OTULIN: variants seen among roughly 807,000 people sequenced by gnomAD.
OTULIN encodes the protein ubiquitin thioesterase otulin.
A neutral mutation model predicts 39.6 loss-of-function variants in OTULIN; 15 were observed. The observed-to-expected ratio is 0.38, with a 90% CI of 0.25 to 0.58. The LOEUF is 0.58. OTULIN is among the 20% of genes least tolerant of loss of function. The pLI, the probability that OTULIN is intolerant of heterozygous loss-of-function variation, is 0.66. For missense variants in OTULIN, 319 were observed against 445.9 expected, an observed-to-expected ratio of 0.72 and a Z score of 2.56; for synonymous variants, 156 against 170.3, an observed-to-expected ratio of 0.92 and a Z score of 0.65.
downstream of OTULIN, among the ~76,000 whole-genome samples, chr5:14,700,340 A>T (rs573660519): frequency 5.3e-5 from 8 of 152,322 alleles, no homozygotes; most frequent in African/African-American, 1.2e-4. Flanking sequence ...AGGGACAAGA[A>T]GAGAGCATTG....
chr5:14,684,425 A>T (rs764889095), intron 4 of OTULIN, among the ~76,000 whole-genome samples: 5 of 152,182 alleles, frequency 3.3e-5, no homozygotes, highest in African/African-American at 4.8e-5. Flanking sequence ...AATTCAGCAC[A>T]TGCTTTGTGT....
the OTULIN span, chr5:14,712,751 G>T: frequency 2.1e-6 from 2 of 961,422 alleles, no homozygotes; most frequent in Non-Finnish European, 1.6e-6. Context: ...CACGAGACTG[G>T]GCAGTGTCAC....
chr5:14,711,217 T>C, the OTULIN span: 1 of 1,614,036 alleles, frequency 6.2e-7, no homozygotes, highest in African/African-American at 1.3e-5. Flanking sequence ...TCCTCTCTCA[T>C]TTCCACGATG....
Position 14,695,387 on chromosome 5 carries a change from G to A in OTULIN, c.*2339G>A, listed in dbSNP as rs953195018. ...ATTAGAAGTTGAATGGAGATTAAGT[G>A]GATTCAGGAGGATGTTCCACTTAGA... On this transcript the variant is annotated 3_prime_UTR_variant, in exon 7 of 7. Transcript: ENST00000284274. 2 of 152,170 alleles carry A rather than the reference G, an allele frequency of 1.3e-5. No individual in the cohort carries two copies. Among genetic ancestry groups the A allele is most frequent in the Non-Finnish European group, 2.9e-5 (2 of 68,016 alleles). The allele number at this position is 152,170 out of a possible 1,614,324, so 9.4% of individuals were successfully genotyped here. A position where few individuals can be genotyped will look rare whatever the true frequency, so the allele number is the denominator to read the frequency against.
intron 3 of OTULIN, among the ~76,000 whole-genome samples, chr5:14,680,659 G>A (rs946056260): frequency 3.3e-5 from 5 of 152,228 alleles, no homozygotes. Context: ...TTCAGGGTAC[G>A]TTTCAGAATG....
downstream of OTULIN, among the ~76,000 whole-genome samples, chr5:14,702,453 T>C (rs569295690): frequency 3.9e-5 from 6 of 152,290 alleles, no homozygotes; most frequent in South Asian, 1.0e-3. Context: ...TTGTGAGGAC[T>C]GGATTCCCAG....
chr5:14,684,509 G>C (rs940828981), intron 4 of OTULIN, among the ~76,000 whole-genome samples: 3 of 152,218 alleles, frequency 2.0e-5, no homozygotes, highest in Non-Finnish European at 2.9e-5. Flanking sequence ...GTGGCCCGCA[G>C]ACCCTCCTGT....
rs893194502 is a variant in OTULIN at position 14,694,412 on chromosome 5, T to C, written c.*1364T>C. On this transcript the variant is annotated 3_prime_UTR_variant, in exon 7 of 7. Coordinates refer to ENST00000284274, the MANE Select transcript of OTULIN (RefSeq NM_138348.6). ...CACATGAACCGGAGACATCACTCTT[T>C]AGGATTCTACTGGCAGCCCCTGAAT... is the stretch of plus-strand genomic sequence containing the variant. The C allele has an allele frequency of 3.9e-5, 6 of 152,332 alleles. No individual in the cohort carries two copies. Among genetic ancestry groups the C allele is most frequent in the African/African-American group, 1.4e-4 (6 of 41,576 alleles). The allele number at this position is 152,332 out of a possible 1,614,324, so 9.4% of individuals were successfully genotyped here. A position where few individuals can be genotyped will look rare whatever the true frequency, so the allele number is the denominator to read the frequency against.
chr5:14,675,426 T>C (rs1217160464), intron 2 of OTULIN, among the ~76,000 whole-genome samples: 1 of 152,232 alleles, frequency 6.6e-6, no homozygotes, highest in Non-Finnish European at 1.5e-5. Context: ...ACAGGAGATA[T>C]TCTTTGTAGT....
intron 2 of OTULIN, 53 bp downstream of exon 2, chr5:14,673,771 T>C (rs1736033754): frequency 6.7e-7 from 1 of 1,483,392 alleles, no homozygotes; most frequent in East Asian, 2.3e-5. Context: ...TAGCAGAAAA[T>C]GCAGTTAAAT....
intron 2 of OTULIN, among the ~76,000 whole-genome samples, chr5:14,675,423 A>G (rs1736080716): frequency 6.6e-6 from 1 of 152,106 alleles, no homozygotes; most frequent in African/African-American, 2.4e-5. Context: ...GCCACAGGAG[A>G]TATTCTTTGT....
chr5:14,701,411 C>T (rs1389424416), downstream of OTULIN, among the ~76,000 whole-genome samples: 1 of 152,014 alleles, frequency 6.6e-6, no homozygotes, highest in Non-Finnish European at 1.5e-5. Flanking sequence ...ACTTTTGGAC[C>T]CCCTGCCCTG....
At chr5:14,675,770 C>T (rs1560994129) in intron 2 of OTULIN, among the ~76,000 whole-genome samples, 2 of 152,170 alleles carry the variant, frequency 1.3e-5, no homozygotes, top group African/African-American at 2.4e-5. Context: ...CATTGTCTTT[C>T]TTGAAATAAC....
Position 14,694,865 on chromosome 5 carries a change from C to T in OTULIN, c.*1817C>T, listed in dbSNP as rs1209471880. On this transcript the variant is annotated 3_prime_UTR_variant, in exon 7 of 7. Transcript: ENST00000284274. The stretch of plus-strand genomic sequence containing the variant: ...TCTTATTGGCTTTGATTTTTCATTG[C>T]AGTATATGGGATTGTACAGCAGGAA... The T allele has an allele frequency of 6.6e-6, 1 of 152,558 alleles. No homozygotes were observed. Among genetic ancestry groups the T allele is most frequent in the Non-Finnish European group, 1.5e-5 (1 of 68,030 alleles). 9.5% of individuals were successfully genotyped at this position (152,558 alleles called of 1,614,324 possible). A position where few individuals can be genotyped will look rare whatever the true frequency, so the allele number is the denominator to read the frequency against.
chr5:14,701,405 T>G (rs1736793779), downstream of OTULIN, among the ~76,000 whole-genome samples: 1 of 152,146 alleles, frequency 6.6e-6, no homozygotes, highest in Non-Finnish European at 1.5e-5. Context: ...GGAAAGACTT[T>G]TGGACCCCCT....
the OTULIN span, chr5:14,710,339 G>A: frequency 7.9e-5 from 12 of 152,246 alleles, no homozygotes; most frequent in African/African-American, 2.9e-4. Context: ...CTTCAGGAAA[G>A]GCGAGGGAAA....
chr5:14,687,618 A>G lies in OTULIN; in HGVS notation c.566A>G (p.Lys189Arg). Residue 189 changes from lysine (K) to arginine (R), a missense_variant, in exon 5 of 7, where the codon AAA becomes AGA. Transcript: ENST00000284274. ...GKNEDLVDKI[K>R]ESLTLLRKKW... ...AATGAGGACCTGGTTGATAAAATTA[A>G]AGAGTCCCTTACTCTGCTGAGGAAG... 1.9e-6 allele frequency: 3 copies of G among 1,614,020 alleles called. No homozygotes were observed. Among genetic ancestry groups the G allele is most frequent in the African/African-American group, 2.7e-5 (2 of 75,028 alleles).
chr5:14,677,420 G>A (rs1237589277), intron 2 of OTULIN, among the ~76,000 whole-genome samples: 2 of 152,116 alleles, frequency 1.3e-5, no homozygotes, highest in African/African-American at 4.8e-5. Flanking sequence ...TATGTTGTAA[G>A]GTACTTCTGC....
At chr5:14,705,552 C>T in the OTULIN span, 6 of 152,350 alleles carry the variant, frequency 3.9e-5, no homozygotes, top group East Asian at 1.9e-4. Flanking sequence ...AACAGAATCA[C>T]GTGTGTGGCT....
Sources: gnomAD v4.1 joint callset for allele counts (sites outside exome capture counted in the v4.1 genomes callset) on GRCh38, gnomAD v4.1.1 for gene constraint, MANE v1.5 for transcripts, NCBI Gene and HGNC (gene_info 2026-07-23, HGNC 2026-07-21) for gene names.